The following SDK1 variants were observed in gnomAD, a reference collection of about 807,000 sequenced individuals.
The protein encoded by SDK1 is protein sidekick-1.
In SDK1, 157 loss-of-function variants were observed where a neutral mutation model predicts 245.5. That is an observed-to-expected ratio of 0.64 (90% CI 0.56 to 0.73). SDK1 has a LOEUF of 0.73. Ranked by LOEUF, SDK1 falls within the 30% of genes least tolerant of loss-of-function variation. The pLI is 0.00. For missense variants in SDK1, 3,583 were observed against 3,002.3 expected (o/e 1.19, Z -4.52); for synonymous variants, 1,647 against 1,278.5 (o/e 1.29, Z -6.15).
chr7:3,372,298 T>A (rs1409864383), intron 1 of SDK1, among the ~76,000 whole-genome samples: 4 of 152,180 alleles, frequency 2.6e-5, no homozygotes, highest in Admixed American at 2.6e-4. Flanking sequence ...GCTCCCAAGC[T>A]AGTCCAACAC....
chr7:3,360,987 A>C (rs186870263), intron 1 of SDK1, among the ~76,000 whole-genome samples: 148 of 152,330 alleles, frequency 9.7e-4, no homozygotes, highest in African/African-American at 3.3e-3. Flanking sequence ...CATATGTGCT[A>C]AAGAAACAAA....
At chr7:4,129,680 G>C in intron 26 of SDK1, 1 of 1,391,020 alleles carries the variant, frequency 7.2e-7, no homozygotes, top group South Asian at 1.6e-5. Flanking sequence ...GGCTCGCCAA[G>C]CCGTGGGCAC....
chr7:3,587,071 G>C (rs1156932463), intron 1 of SDK1, among the ~76,000 whole-genome samples: 1 of 152,206 alleles, frequency 6.6e-6, no homozygotes, highest in Non-Finnish European at 1.5e-5. Context: ...GGCCCTGTCA[G>C]AGAGTGATTC....
chr7:3,323,025 C>G (rs1779855882), intron 1 of SDK1, among the ~76,000 whole-genome samples: 1 of 152,094 alleles, frequency 6.6e-6, no homozygotes, highest in Admixed American at 6.6e-5. Flanking sequence ...TCGTCTCAAA[C>G]TCCTGGACCC....
chr7:3,341,002 G>GA (rs1486128636), intron 1 of SDK1, among the ~76,000 whole-genome samples: 4 of 152,054 alleles, frequency 2.6e-5, no homozygotes, highest in African/African-American at 9.7e-5. Flanking sequence ...GAAAACAGGA[G>GA]AGAAGACCTA....
chr7:4,220,011 G>A, intron 38 of SDK1, 98 bp from the exon 39 acceptor site: 1 of 1,415,146 alleles, frequency 7.1e-7, no homozygotes, highest in Non-Finnish European at 9.6e-7. Context: ...TTAGCAAACT[G>A]CAGGGACCAC....
rs1411061474 is a variant in SDK1 at position 3,301,274 on chromosome 7, C to CGGG, written c.-310_-308dup. ...GGCGCACTTTCTTCTCAGCGCCGGG[C>CGGG]GGGGGCGGCGGCGGCGGCGGCTCCT... On this transcript the variant is annotated 5_prime_UTR_variant, in exon 1 of 45. Coordinates refer to ENST00000404826, the MANE Select transcript of SDK1 (RefSeq NM_152744.4). Among the ~76,000 whole-genome samples, 5 of 134,840 alleles carry CGGG rather than the reference C, an allele frequency of 3.7e-5. No individual in the cohort carries two copies. The highest frequency in any genetic ancestry group is 2.8e-4 in the Admixed American group (4 of 14,262). The allele number at this position is 134,840 out of a possible 152,430, so 88.5% of individuals were successfully genotyped here. A position where few individuals can be genotyped will look rare whatever the true frequency, so the allele number is the denominator to read the frequency against.
intron 32 of SDK1, among the ~76,000 whole-genome samples, chr7:4,170,398 G>A (rs1781762798): frequency 6.6e-6 from 1 of 152,100 alleles, no homozygotes; most frequent in African/African-American, 2.4e-5. Flanking sequence ...AGTGAGCTCT[G>A]ATCGCACCCC....
intron 1 of SDK1, among the ~76,000 whole-genome samples, chr7:3,321,283 G>T (rs1583679728): frequency 1.3e-5 from 2 of 152,288 alleles, no homozygotes; most frequent in East Asian, 3.9e-4. Flanking sequence ...CTTTGATTTT[G>T]CTGGGTCACT....
chr7:3,417,669 C>A (rs767430224), intron 1 of SDK1, among the ~76,000 whole-genome samples: 9 of 152,074 alleles, frequency 5.9e-5, no homozygotes, highest in Non-Finnish European at 1.3e-4. Flanking sequence ...ATATTTGTTG[C>A]CTTTCTAGAT....
intron 4 of SDK1, among the ~76,000 whole-genome samples, chr7:3,760,318 C>G (rs1016967345): frequency 3.9e-5 from 6 of 152,166 alleles, no homozygotes; most frequent in African/African-American, 1.4e-4. Context: ...CACACAATTA[C>G]CAACCACAGC....
At position 3,526,283 on chromosome 7, in the gene SDK1, A is replaced by G. The variant is rs143269546; in HGVS notation, c.299-92797A>G. On this transcript the variant is annotated intron_variant, in intron 1 of 44. Transcript: ENST00000404826. ...TGTGACCTTTATAGGATATCTTTTT[A>G]CTGTCCAGTTTTACATATAATTTAC... Among the ~76,000 whole-genome samples, 402 of 152,202 alleles carry G rather than the reference A, an allele frequency of 2.6e-3. 2 individuals carry two copies. Among genetic ancestry groups the G allele is most frequent in the African/African-American group, 9.2e-3 (382 of 41,536 alleles).
At position 3,435,321 on chromosome 7, in the gene SDK1, C is replaced by CTTTTTTTTTTTTTTTTTT. The variant is rs71029672; in HGVS notation, c.298+133447_298+133464dup. Among the ~76,000 whole-genome samples, 53 of 56,896 alleles carry CTTTTTTTTTTTTTTTTTT rather than the reference C, an allele frequency of 9.3e-4. 6 individuals carry two copies. The highest frequency in any genetic ancestry group is 2.5e-3 in the African/African-American group (28 of 10,994). The allele number at this position is 56,896 out of a possible 152,430, so 37.3% of individuals were successfully genotyped here. On this transcript the variant is annotated intron_variant, in intron 1 of 44. Transcript: ENST00000404826. ...ATACTTGACTTATGAAGGGGACTGC[C>CTTTTTTTTTTTTTTTTTT]TTTTTTTTTTTTTTTTTTTTTTTTT...
At chr7:4,142,644 G>C (rs1368647994) in intron 28 of SDK1, among the ~76,000 whole-genome samples, 1 of 152,016 alleles carries the variant, frequency 6.6e-6, no homozygotes, top group African/African-American at 2.4e-5. Flanking sequence ...TGTATTTTTA[G>C]CAGAGACAGG....
At chr7:3,535,018 A>T (rs1222684701) in intron 1 of SDK1, among the ~76,000 whole-genome samples, 1 of 152,168 alleles carries the variant, frequency 6.6e-6, no homozygotes, top group Non-Finnish European at 1.5e-5. Context: ...TCACTCCTGT[A>T]ATCCCAGCAC....
intron 1 of SDK1, among the ~76,000 whole-genome samples, chr7:3,490,348 C>T (rs1396265107): frequency 6.6e-6 from 1 of 152,144 alleles, no homozygotes; most frequent in African/African-American, 2.4e-5. Context: ...ATAGTTCTTT[C>T]AGGATTGCTT....
At chr7:3,578,609 G>A (rs183499636) in intron 1 of SDK1, among the ~76,000 whole-genome samples, 45 of 151,910 alleles carry the variant, frequency 3.0e-4, no homozygotes, top group Middle Eastern at 3.4e-3. Flanking sequence ...CACAGCAGCC[G>A]TTTATAGACC....
rs562649416 is a variant in SDK1, at chr7:3,373,404, C to T, written c.298+71520C>T. Among the ~76,000 whole-genome samples, 3 of 152,280 alleles carry T rather than the reference C, an allele frequency of 2.0e-5. No individual in the cohort carries two copies. The East Asian group carries it at 5.8e-4, about 29-fold the overall frequency. On this transcript the variant is annotated intron_variant, in intron 1 of 44. Coordinates refer to ENST00000404826, the MANE Select transcript of SDK1 (RefSeq NM_152744.4). ...ATTCAAATTATGAACAAGTCAATGA[C>T]AGAAAACCATATGGTCTCAATAGAT... is the stretch of plus-strand genomic sequence containing the variant.
At chr7:3,348,103 A>G (rs928296231) in intron 1 of SDK1, among the ~76,000 whole-genome samples, 2 of 152,106 alleles carry the variant, frequency 1.3e-5, no homozygotes, top group South Asian at 2.1e-4. Flanking sequence ...AATGTCTCTC[A>G]CCTCTAAAGT....
Sources: gnomAD v4.1 joint callset for allele counts (sites outside exome capture counted in the v4.1 genomes callset) on GRCh38, gnomAD v4.1.1 for gene constraint, MANE v1.5 for transcripts, NCBI Gene and HGNC (gene_info 2026-07-23, HGNC 2026-07-21) for gene names.